SASH1: variants seen among roughly 807,000 people sequenced by gnomAD.
The protein encoded by SASH1 is SAM and SH3 domain containing 1, also known as SAM and SH3 domain-containing protein 1.
In SASH1, 44 loss-of-function variants were observed where a neutral mutation model predicts 125.2. That is an observed-to-expected ratio of 0.35 (90% CI 0.28 to 0.45). The LOEUF is 0.45. Among genes scored for constraint, SASH1 ranks in the 20% least tolerant of loss-of-function variants. SASH1 has a pLI of 1.00. For missense variants in SASH1, 1,426 were observed against 1,614.5 expected, an observed-to-expected ratio of 0.88 and a Z score of 2.00; for synonymous variants, 639 against 649.1, an observed-to-expected ratio of 0.98 and a Z score of 0.24.
chr6:148,289,873 T>G (rs1332337242), intron 1 of SASH1, among the ~76,000 whole-genome samples: 2 of 143,416 alleles, frequency 1.4e-5, no homozygotes, highest in Middle Eastern at 3.3e-3. Context: ...TTTTTTTTTT[T>G]TTTTTTTTTT....
chr6:148,496,779 GGGA>G (rs1035750310), intron 8 of SASH1, among the ~76,000 whole-genome samples: 5 of 151,976 alleles, frequency 3.3e-5, no homozygotes, highest in African/African-American at 1.2e-4. Context: ...AGGCTGAGTC[GGGA>G]GGATTTCTTG....
chr6:148,234,790 G>A, the SASH1 span, among the ~76,000 whole-genome samples: 1 of 151,034 alleles, frequency 6.6e-6, no homozygotes, highest in Non-Finnish European at 1.5e-5. Context: ...CTGCGCCATT[G>A]CACTCCAGCC....
chr6:148,277,493 G>A (rs1562302004), intron 1 of SASH1, among the ~76,000 whole-genome samples: 1 of 152,178 alleles, frequency 6.6e-6, no homozygotes, highest in Non-Finnish European at 1.5e-5. Flanking sequence ...GGGCAGAAGT[G>A]AGTTGATCTC....
rs529984482 is a variant in SASH1, at chr6:148,496,113, G to T, written c.729+8398G>T. ...TCCGCCTGCCTCGGCCTCCCAAAGT[G>T]CTGGAATTATAGGCGTGTTTGATAA... On this transcript the variant is annotated intron_variant, in intron 8 of 19. Coordinates refer to ENST00000367467, the MANE Select transcript of SASH1 (RefSeq NM_015278.5). Among the ~76,000 whole-genome samples, 16 of 152,140 alleles carry T rather than the reference G, an allele frequency of 1.1e-4. No individual in the cohort carries two copies. The East Asian group carries it at 2.5e-3, about 24-fold the overall frequency.
chr6:148,323,186 T>C (rs1426329215), intron 1 of SASH1, among the ~76,000 whole-genome samples: 1 of 152,076 alleles, frequency 6.6e-6, no homozygotes, highest in East Asian at 1.9e-4. Flanking sequence ...ATTTTTGTAC[T>C]TTTAGTAGAG....
chr6:148,359,146 G>A (rs1030111676), intron 1 of SASH1, among the ~76,000 whole-genome samples: 1 of 151,798 alleles, frequency 6.6e-6, no homozygotes, highest in African/African-American at 2.4e-5. Context: ...TGCAGTTATG[G>A]CTTGTTTCTG....
intron 2 of SASH1, among the ~76,000 whole-genome samples, chr6:148,426,213 AAAAT>A (rs34907635): frequency 4.6e-5 from 7 of 151,414 alleles, no homozygotes; most frequent in Non-Finnish European, 2.9e-5. Flanking sequence ...ACTCCATCTC[AAAAT>A]AAATAAATAA....
chr6:148,282,438 G>A (rs1378449947), intron 1 of SASH1, among the ~76,000 whole-genome samples: 3 of 152,020 alleles, frequency 2.0e-5, no homozygotes, highest in Admixed American at 6.5e-5. Flanking sequence ...CTGGAGTGCA[G>A]TGGCATGATC....
At chr6:148,329,271 T>C (rs1780921809) in intron 1 of SASH1, among the ~76,000 whole-genome samples, 1 of 152,200 alleles carries the variant, frequency 6.6e-6, no homozygotes, top group Non-Finnish European at 1.5e-5. Flanking sequence ...TAAAAAAGAA[T>C]TGTGTTCATT....
Position 148,549,518 on chromosome 6 carries a change from C to T in SASH1, c.*960C>T. 1 of 398,432 alleles carries T rather than the reference C, an allele frequency of 2.5e-6. No homozygotes were observed. Among genetic ancestry groups the T allele is most frequent in the East Asian group, 3.6e-5 (1 of 28,050 alleles). The allele number at this position is 398,432 out of a possible 1,614,324, so 24.7% of individuals were successfully genotyped here. ...TCGCGCTGCAGTATTGACTTGGAAT[C>T]CTGACCATGTCCATCCCAAAATTCA... is the stretch of plus-strand genomic sequence containing the variant. On this transcript the variant is annotated 3_prime_UTR_variant, in exon 20 of 20. Transcript: ENST00000367467.
chr6:148,457,595 G>A (rs1028698619), intron 4 of SASH1, among the ~76,000 whole-genome samples: 11 of 152,282 alleles, frequency 7.2e-5, no homozygotes, highest in African/African-American at 2.6e-4. Flanking sequence ...ACTGAAATAC[G>A]ATGAGATTTA....
At chr6:148,467,724 G>A (rs1342282244) in intron 4 of SASH1, among the ~76,000 whole-genome samples, 1 of 152,134 alleles carries the variant, frequency 6.6e-6, no homozygotes, top group East Asian at 1.9e-4. Context: ...ATTGCATGAG[G>A]TCAGGAGTTC....
At chr6:148,245,367 A>G in the SASH1 span, among the ~76,000 whole-genome samples, 1 of 152,242 alleles carries the variant, frequency 6.6e-6, no homozygotes, top group Non-Finnish European at 1.5e-5. Flanking sequence ...TTATGCTGCA[A>G]TTGAAAAGTG....
intron 17 of SASH1, among the ~76,000 whole-genome samples, chr6:148,542,263 AAAG>A (rs1223469387): frequency 6.6e-6 from 1 of 152,260 alleles, no homozygotes; most frequent in Non-Finnish European, 1.5e-5. Flanking sequence ...AGTTAAGGGA[AAAG>A]AAAGTCATAT....
chr6:148,329,053 A>G (rs1432834928), intron 1 of SASH1, among the ~76,000 whole-genome samples: 1 of 152,150 alleles, frequency 6.6e-6, no homozygotes, highest in Non-Finnish European at 1.5e-5. Context: ...TCCTGCCCCA[A>G]TAGGTGACCT....
At chr6:148,511,462 A>G (rs59108710) in intron 8 of SASH1, among the ~76,000 whole-genome samples, 15,673 of 151,986 alleles carry the variant, frequency 0.1, 1,893 homozygotes, top group African/African-American at 0.29. Flanking sequence ...ATGATCATGG[A>G]AAAGAAGGAC....
chr6:148,443,039 G>T (rs1776611193), intron 4 of SASH1, among the ~76,000 whole-genome samples: 1 of 151,250 alleles, frequency 6.6e-6, no homozygotes, highest in African/African-American at 2.4e-5. Context: ...GCCTCCCAAA[G>T]TGCTGGGATT....
chr6:148,196,115 C>T, the SASH1 span, among the ~76,000 whole-genome samples: 1 of 152,218 alleles, frequency 6.6e-6, no homozygotes, highest in African/African-American at 2.4e-5. Context: ...GTTCTTCCAT[C>T]AAGAGTTCTC....
chr6:148,300,655 G>A lies in SASH1; in HGVS notation n.74+28278G>A, dbSNP rs146065788. Among the ~76,000 whole-genome samples, 43 of 151,836 alleles carry A rather than the reference G, an allele frequency of 2.8e-4. 1 individual carries two copies. The highest frequency in any genetic ancestry group is 9.9e-4 in the African/African-American group (41 of 41,422). On this transcript the variant is annotated intron_variant and non_coding_transcript_variant, in intron 1 of 3. Transcript: ENST00000367469. ...TTATATTCTTACTGGCTAATTTTTT[G>A]TATTTTTAGTAAAGACGGGGTTTTA...
Sources: gnomAD v4.1 joint callset for allele counts (sites outside exome capture counted in the v4.1 genomes callset) on GRCh38, gnomAD v4.1.1 for gene constraint, MANE v1.5 for transcripts, NCBI Gene and HGNC (gene_info 2026-07-23, HGNC 2026-07-21) for gene names.